CNNM1: variants seen among roughly 807,000 people sequenced by gnomAD.
CNNM1 encodes metal transporter CNNM1.
Under a neutral mutation model 78.8 loss-of-function variants are expected in CNNM1, and 44 were observed. The ratio of observed to expected loss-of-function variants is 0.56; its 90% CI spans 0.44 to 0.72. The LOEUF (loss-of-function observed/expected upper bound fraction) is 0.72. Ranked by LOEUF, CNNM1 falls within the 30% of genes least tolerant of loss-of-function variation. The probability of loss-of-function intolerance (pLI) is 0.00; values close to 1 mark genes in which losing one functional copy is unlikely to be tolerated. For missense variants in CNNM1, 1,101 were observed against 1,292.2 expected, an observed-to-expected ratio of 0.85 and a Z score of 2.27; for synonymous variants, 584 against 581.5, an observed-to-expected ratio of 1.00 and a Z score of -0.06.
At chr10:99,354,889 T>G (rs1038309030) in intron 1 of CNNM1, among the ~76,000 whole-genome samples, 2 of 152,056 alleles carry the variant, frequency 1.3e-5, no homozygotes, top group Non-Finnish European at 2.9e-5. Context: ...CTGTAAGCAG[T>G]AGGTAGCCAT....
intron 1 of CNNM1, among the ~76,000 whole-genome samples, chr10:99,341,931 G>C (rs916464559): frequency 2.7e-4 from 41 of 152,174 alleles, no homozygotes; most frequent in African/African-American, 9.6e-4. Context: ...GATGACGCAG[G>C]ATCATGATCA....
intron 3 of CNNM1, 78 bp downstream of exon 3, chr10:99,361,053 C>T (rs1433642039): frequency 7.1e-7 from 1 of 1,408,634 alleles, no homozygotes; most frequent in East Asian, 2.5e-5. Context: ...TTGTTAATAC[C>T]TTCCAGCCTG....
At chr10:99,363,244 C>G (rs2031498183) in intron 4 of CNNM1, among the ~76,000 whole-genome samples, 1 of 152,212 alleles carries the variant, frequency 6.6e-6, no homozygotes, top group Admixed American at 6.5e-5. Flanking sequence ...TCTGCTCTGT[C>G]ACTGTAACTT....
chr10:99,362,169 T>C, intron 3 of CNNM1, 58 bp from the exon 4 acceptor site: 1 of 1,490,292 alleles, frequency 6.7e-7, no homozygotes, highest in Non-Finnish European at 9.0e-7. Flanking sequence ...CTGCCACTGC[T>C]GGAATGGGTG....
chr10:99,337,926 GAAAA>G (rs1395404990), intron 1 of CNNM1, among the ~76,000 whole-genome samples: 4 of 152,208 alleles, frequency 2.6e-5, no homozygotes, highest in African/African-American at 9.6e-5. Flanking sequence ...AGTGTTAGAA[GAAAA>G]GTGTTGCATC....
At chr10:99,342,219 G>A (rs1480770984) in intron 1 of CNNM1, among the ~76,000 whole-genome samples, 1 of 152,228 alleles carries the variant, frequency 6.6e-6, no homozygotes, top group African/African-American at 2.4e-5. Flanking sequence ...TAAGCCTAGG[G>A]TAGGGAGTCA....
chr10:99,348,922 T>C lies in CNNM1; in HGVS notation c.1574-8590T>C, dbSNP rs143675438. On this transcript the variant is annotated intron_variant, in intron 1 of 10. Coordinates refer to ENST00000356713, the MANE Select transcript of CNNM1 (RefSeq NM_020348.3). The stretch of plus-strand genomic sequence containing the variant: ...ACAAACAAACAAATAAACAAACAAA[T>C]AGCCAGGCCTGCTGGCTTGAGTCTG... Among the ~76,000 whole-genome samples the C allele has an allele frequency of 2.7e-5, 4 of 150,302 alleles. No individual in the cohort carries two copies. In the East Asian group the frequency reaches 6.0e-4, roughly 23 times the overall value.
intron 1 of CNNM1, among the ~76,000 whole-genome samples, chr10:99,340,875 T>TGCC (rs1463645207): frequency 7.1e-4 from 102 of 143,914 alleles, no homozygotes; most frequent in African/African-American, 2.3e-3. Flanking sequence ...CCTTCCTTCC[T>TGCC]TCCTGCCTGC....
chr10:99,330,996 C>T (rs755791908), intron 1 of CNNM1, 36 bp downstream of exon 1: 3 of 1,564,380 alleles, frequency 1.9e-6, no homozygotes, highest in Non-Finnish European at 2.6e-6. Flanking sequence ...CAACTCCTAT[C>T]CCCTTCAAAG....
At chr10:99,346,601 C>G (rs1297192146) in intron 1 of CNNM1, among the ~76,000 whole-genome samples, 1 of 152,180 alleles carries the variant, frequency 6.6e-6, no homozygotes, top group African/African-American at 2.4e-5. Context: ...TCCAGACTTA[C>G]ATTTCTAATT....
chr10:99,350,212 A>G (rs549461935), intron 1 of CNNM1, among the ~76,000 whole-genome samples: 133 of 152,342 alleles, frequency 8.7e-4, no homozygotes, highest in African/African-American at 3.1e-3. Context: ...GCTGTCTACC[A>G]AATGAATAAA....
At chr10:99,367,188 A>G (rs571717580) in intron 6 of CNNM1, among the ~76,000 whole-genome samples, 216 of 152,092 alleles carry the variant, frequency 1.4e-3, no homozygotes, top group Non-Finnish European at 2.4e-3. Context: ...ACCTCAACCT[A>G]TAGGTTGAGG....
rs576436975 is a variant in CNNM1 at position 99,334,636 on chromosome 10, G to A, written c.1573+3676G>A. ...ACTGTACTCCAGCCTGGGTGACAGA[G>A]AAAGACTCTGTCTCAAAATAAATAA... is the stretch of plus-strand genomic sequence containing the variant. On this transcript the variant is annotated intron_variant, in intron 1 of 10. Coordinates refer to ENST00000356713, the MANE Select transcript of CNNM1 (RefSeq NM_020348.3). Among the ~76,000 whole-genome samples, 13 of 152,264 alleles carry A rather than the reference G, an allele frequency of 8.5e-5. No individual in the cohort carries two copies. The East Asian group carries it at 2.5e-3, about 29-fold the overall frequency.
chr10:99,368,583 C>T lies in CNNM1; in HGVS notation c.2176+3581C>T, dbSNP rs7077220. On this transcript the variant is annotated intron_variant, in intron 6 of 10. Transcript: ENST00000356713. ...CCTTTTGTGTTTATATCTTCCCTTT[C>T]GCAACTCACAAATCCTTGGCCCCTG... is the stretch of plus-strand genomic sequence containing the variant. 224 of 1,272,768 alleles carry T rather than the reference C, an allele frequency of 1.8e-4. No homozygotes were observed. The African/African-American group carries it at 2.7e-3, about 15-fold the overall frequency. The allele number at this position is 1,272,768 out of a possible 1,614,324, so 78.8% of individuals were successfully genotyped here.
At chr10:99,356,554 C>CAGAAAGAAAGAAAGAA (rs1189884919) in intron 1 of CNNM1, among the ~76,000 whole-genome samples, 32 of 44,556 alleles carry the variant, frequency 7.2e-4, no homozygotes, top group South Asian at 2.4e-3. Context: ...GACAGACAGA[C>CAGAAAGAAAGAAAGAA]AGACAGACAG....
rs1162678136 is a variant in CNNM1 at position 99,336,884 on chromosome 10, C to G, written c.1573+5924C>G. ...TCAGGAGGCTGAGGCAGGGAGGTTG[C>G]AGTAAGCCAAGATCATGCCACTGAA... On this transcript the variant is annotated intron_variant, in intron 1 of 10. Coordinates refer to ENST00000356713, the MANE Select transcript of CNNM1 (RefSeq NM_020348.3). 2.0e-5 allele frequency among the ~76,000 whole-genome samples: 3 copies of G among 152,080 alleles called. No individual in the cohort carries two copies. In the East Asian group the frequency reaches 5.8e-4, roughly 29 times the overall value.
chr10:99,390,187 C>A, intron 9 of CNNM1, 119 bp from the exon 10 acceptor site: 1 of 709,208 alleles, frequency 1.4e-6, no homozygotes, highest in Non-Finnish European at 2.4e-6. Context: ...ACACCACCCT[C>A]ACCTTGGCTC....
chr10:99,378,428 A>T (rs920021905), intron 7 of CNNM1, among the ~76,000 whole-genome samples: 1 of 152,190 alleles, frequency 6.6e-6, no homozygotes, highest in Non-Finnish European at 1.5e-5. Flanking sequence ...AGGGTGGAAG[A>T]AGGTCCTTCT....
At chr10:99,375,999 T>A (rs2031949191) in intron 6 of CNNM1, among the ~76,000 whole-genome samples, 1 of 152,232 alleles carries the variant, frequency 6.6e-6, no homozygotes, top group Admixed American at 6.5e-5. Context: ...CCAAGAAGTA[T>A]TTCTTTAAAA....
Sources: allele counts gnomAD v4.1 joint callset (sites outside exome capture counted in the v4.1 genomes callset), GRCh38; gene constraint gnomAD v4.1.1; transcripts MANE v1.5; gene names NCBI Gene and HGNC (gene_info 2026-07-23, HGNC 2026-07-21).